The following PRKCA variants were observed in gnomAD, a reference collection of about 807,000 sequenced individuals.
The protein encoded by PRKCA is protein kinase C alpha.
In PRKCA, 27 loss-of-function variants were observed where a neutral mutation model predicts 87.0. The ratio of observed to expected loss-of-function variants is 0.31; its 90% CI spans 0.23 to 0.43. The LOEUF (loss-of-function observed/expected upper bound fraction) is 0.43. Among genes scored for constraint, PRKCA ranks in the 20% least tolerant of loss-of-function variants. The probability of loss-of-function intolerance (pLI) is 1.00; values close to 1 mark genes in which losing one functional copy is unlikely to be tolerated. For synonymous variants in PRKCA, 329 were observed against 311.1 expected, an observed-to-expected ratio of 1.06 and a Z score of -0.61; for missense variants, 518 against 852.3, an observed-to-expected ratio of 0.61 and a Z score of 4.88.
At chr17:66,750,574 TA>T (rs1974406180) in intron 13 of PRKCA, among the ~76,000 whole-genome samples, 1 of 152,230 alleles carries the variant, frequency 6.6e-6, no homozygotes, top group African/African-American at 2.4e-5. Flanking sequence ...GCCTCTTCTC[TA>T]GAGCACTGGG....
chr17:66,592,299 G>A (rs1486739043), intron 3 of PRKCA, among the ~76,000 whole-genome samples: 1 of 129,628 alleles, frequency 7.7e-6, no homozygotes, highest in African/African-American at 3.1e-5. Context: ...AGGTTGCCAT[G>A]AGCCAAGATT....
At chr17:66,449,554 C>T (rs1477631497) in intron 2 of PRKCA, among the ~76,000 whole-genome samples, 1 of 152,136 alleles carries the variant, frequency 6.6e-6, no homozygotes, top group Non-Finnish European at 1.5e-5. Context: ...CTTCACGATC[C>T]CTAGCACAGC....
chr17:66,747,769 C>T (rs572326510), intron 13 of PRKCA, among the ~76,000 whole-genome samples: 166 of 152,330 alleles, frequency 1.1e-3, no homozygotes, highest in African/African-American at 3.4e-3. Flanking sequence ...CAGTGAATGA[C>T]GCAGAATTGC....
At chr17:66,494,765 G>A (rs1166010089) in intron 2 of PRKCA, among the ~76,000 whole-genome samples, 1 of 152,140 alleles carries the variant, frequency 6.6e-6, no homozygotes, top group Non-Finnish European at 1.5e-5. Flanking sequence ...GAGAGACTAG[G>A]TCATTTATTT....
At chr17:66,323,120 C>T (rs551318088) in intron 2 of PRKCA, among the ~76,000 whole-genome samples, 15 of 152,264 alleles carry the variant, frequency 9.9e-5, no homozygotes, top group African/African-American at 3.6e-4. Context: ...TTTAAATGAT[C>T]ACTTCCTCCT....
intron 3 of PRKCA, among the ~76,000 whole-genome samples, chr17:66,521,260 T>G (rs1461166753): frequency 6.6e-6 from 1 of 152,220 alleles, no homozygotes; most frequent in Non-Finnish European, 1.5e-5. Context: ...TTTTATATAG[T>G]GTAGAAGTCC....
At chr17:66,476,331 G>A (rs1915535452) in intron 2 of PRKCA, among the ~76,000 whole-genome samples, 1 of 152,208 alleles carries the variant, frequency 6.6e-6, no homozygotes, top group South Asian at 2.1e-4. Flanking sequence ...AGCTCTGCAA[G>A]CCTGGTGCTT....
chr17:66,513,002 A>G (rs1172084140), intron 3 of PRKCA, among the ~76,000 whole-genome samples: 2 of 152,040 alleles, frequency 1.3e-5, no homozygotes, highest in Admixed American at 6.6e-5. Flanking sequence ...CCCCCTCATT[A>G]TTTTCTATTA....
intron 3 of PRKCA, among the ~76,000 whole-genome samples, chr17:66,528,413 T>G (rs1198320631): frequency 6.6e-6 from 1 of 152,056 alleles, no homozygotes; most frequent in African/African-American, 2.4e-5. Context: ...GTGATTAAGT[T>G]AAGGGTCTCG....
At chr17:66,534,928 G>T (rs898232308) in intron 3 of PRKCA, among the ~76,000 whole-genome samples, 3 of 152,106 alleles carry the variant, frequency 2.0e-5, no homozygotes, top group African/African-American at 7.2e-5. Context: ...CCATTTCAAT[G>T]GGATTAGAGT....
chr17:66,393,641 C>CGTGTGTGT (rs111480827), intron 2 of PRKCA, among the ~76,000 whole-genome samples: 3 of 148,178 alleles, frequency 2.0e-5, no homozygotes, highest in East Asian at 2.0e-4. Context: ...TGTGTGTGCA[C>CGTGTGTGT]GTGTGTGTGT....
chr17:66,418,988 C>T (rs1357309153), intron 2 of PRKCA, among the ~76,000 whole-genome samples: 2 of 151,608 alleles, frequency 1.3e-5, no homozygotes, highest in South Asian at 4.2e-4. Flanking sequence ...TCTTGATCTC[C>T]TGACCTCGTG....
chr17:66,619,441 C>T (rs748292471), intron 3 of PRKCA, among the ~76,000 whole-genome samples: 5 of 152,192 alleles, frequency 3.3e-5, no homozygotes, highest in Non-Finnish European at 7.3e-5. Flanking sequence ...CTACACGGGG[C>T]TGTTGGGTTT....
chr17:66,397,551 T>A (rs1213196368), intron 2 of PRKCA, among the ~76,000 whole-genome samples: 6 of 152,192 alleles, frequency 3.9e-5, no homozygotes, highest in South Asian at 2.1e-4. Context: ...TGCCTTTGAC[T>A]TAAGGGCAAA....
At chr17:66,745,312 C>T (rs1378437257) in intron 13 of PRKCA, among the ~76,000 whole-genome samples, 1 of 152,244 alleles carries the variant, frequency 6.6e-6, no homozygotes, top group South Asian at 2.1e-4. Flanking sequence ...TCATTCCCCT[C>T]CTTACATCTA....
intron 8 of PRKCA, 143 bp from the exon 9 acceptor site, chr17:66,732,545 G>C (rs1973928193): frequency 1.0e-6 from 1 of 969,598 alleles, no homozygotes. Context: ...ATCTGAACAG[G>C]TACTCAATTC....
intron 3 of PRKCA, among the ~76,000 whole-genome samples, chr17:66,527,831 G>C (rs1331148296): frequency 1.3e-5 from 2 of 152,126 alleles, no homozygotes; most frequent in Non-Finnish European, 2.9e-5. Flanking sequence ...GGTGGGACTT[G>C]ATTTGGTTTA....
At chr17:66,701,175 A>G (rs188484930) in intron 8 of PRKCA, among the ~76,000 whole-genome samples, 26 of 152,290 alleles carry the variant, frequency 1.7e-4, no homozygotes, top group Non-Finnish European at 3.1e-4. Flanking sequence ...TGACAAAGGC[A>G]TCAAGGATAC....
At chr17:66,387,387 GGA>G (rs966448709) in intron 2 of PRKCA, among the ~76,000 whole-genome samples, 4 of 152,184 alleles carry the variant, frequency 2.6e-5, no homozygotes, top group Non-Finnish European at 1.5e-5. Flanking sequence ...AGGAAAACTA[GGA>G]GAGAGAGAAG....
Sources: gnomAD v4.1 joint callset for allele counts (sites outside exome capture counted in the v4.1 genomes callset) on GRCh38, gnomAD v4.1.1 for gene constraint, MANE v1.5 for transcripts, NCBI Gene and HGNC (gene_info 2026-07-23, HGNC 2026-07-21) for gene names.